The following ACTL9 variants were observed in gnomAD, a reference collection of about 807,000 sequenced individuals.
The protein encoded by ACTL9 is actin like 9.
A neutral mutation model predicts 0.9 loss-of-function variants in ACTL9; 1 was observed. That is an observed-to-expected ratio of 1.10 (90% confidence interval 0.39 to 5.23). The LOEUF (loss-of-function observed/expected upper bound fraction) is 5.23, where lower values mean the gene tolerates loss of function less well. Among genes scored for constraint, ACTL9 ranks in the 30% most tolerant of loss-of-function variants. The pLI is 0.16. For synonymous variants in ACTL9, 283 were observed against 269.5 expected (o/e 1.05, Z -0.49); for missense variants, 597 against 566.8 (o/e 1.05, Z -0.54).
In ACTL9 at chr19:8,698,254, C is replaced by T. The variant is rs1439203173; in HGVS notation, c.448G>A (p.Asp150Asn). The T allele has an allele frequency of 3.2e-6, 5 of 1,568,002 alleles. No individual in the cohort carries two copies. In the Admixed American group the frequency reaches 7.0e-5, roughly 22 times the overall value. The change falls in exon 1 of 1, where the codon GAC (aspartate) becomes AAC (asparagine). Residue 150 changes from aspartate to asparagine, a missense_variant. Coordinates refer to ENST00000324436, the MANE Select transcript of ACTL9 (RefSeq NM_178525.5). The part of the protein sequence containing the change: ...ATHDHPLLFS[D>N]PPFSPATNRE... ...TTGGTGGCCGGGCTGAAGGGTGGGT[C>T]GGAGAACAGCAGCGGGTGGTCGTGG...
rs1026322270 is a variant in ACTL9, at chr19:8,697,418, A to G, written c.*33T>C. ...CAGAGCCGGCTGTAGCAGAGGCTTT[A>G]CTGCCCCCACGCCCTCCCCAGCTCT... On this transcript the variant is annotated 3_prime_UTR_variant, in exon 1 of 1. Coordinates refer to ENST00000324436, the MANE Select transcript of ACTL9 (RefSeq NM_178525.5). This position sits in a 1 kb window ranked among gnomAD's most constrained non-coding sequence, Gnocchi z 4.3. 9 of 1,535,390 alleles carry G rather than the reference A, an allele frequency of 5.9e-6. No homozygotes were observed. The highest frequency in any genetic ancestry group is 8.7e-7 in the Non-Finnish European group (1 of 1,143,152).
Position 8,697,841 on chromosome 19 carries a change from CG to C in ACTL9, c.860del (p.Thr287ArgfsTer?), listed in dbSNP as rs1434583330. 2 of 1,613,112 alleles carry C rather than the reference CG, an allele frequency of 1.2e-6. No individual in the cohort carries two copies. The highest frequency in any genetic ancestry group is 1.7e-6 in the Non-Finnish European group (2 of 1,179,920). ...KRTLKLPDGR[T>X]VTLGKELFQC... ...GGAACAGCTCCTTGCCCAGGGTGAC[CG>C]TGCGCCCATCGGGCAGCTTCAGAGT... On this transcript the variant is annotated frameshift_variant, in exon 1 of 1. Coordinates refer to ENST00000324436, the MANE Select transcript of ACTL9 (RefSeq NM_178525.5). LOFTEE classifies it low-confidence loss of function (END_TRUNC). The surrounding 1 kb of genome is among the most constrained non-coding windows in gnomAD (Gnocchi z 4.3).
At position 8,698,427 on chromosome 19, in the gene ACTL9, G is replaced by A. The variant is rs782673863; in HGVS notation, c.275C>T (p.Ser92Phe). Residue 92 changes from serine to phenylalanine, a missense_variant, in exon 1 of 1, where the codon TCC becomes TTC. Transcript: ENST00000324436. ...CTCGCCGATGAACGTCTGCAGCCCG[G>A]ACTGCCCCGAGGTGGCGGGTTTCTT... ...QPKKPATSGQ[S>F]GLQTFIGEAA... 2 of 1,523,256 alleles carry A rather than the reference G, an allele frequency of 1.3e-6. No homozygotes were observed. Among genetic ancestry groups the A allele is most frequent in the Non-Finnish European group, 1.8e-6 (2 of 1,134,408 alleles). The allele number at this position is 1,523,256 out of a possible 1,614,324, so 94.4% of individuals were successfully genotyped here.
At position 8,698,095 on chromosome 19, in the gene ACTL9, T is replaced by G. The variant is rs2043209104; in HGVS notation, c.607A>C (p.Thr203Pro). 1 of 1,602,772 alleles carries G rather than the reference T, an allele frequency of 6.2e-7. No homozygotes were observed. Among genetic ancestry groups the G allele is most frequent in the South Asian group, 1.1e-5 (1 of 91,094 alleles). The part of the protein sequence containing the change: ...GLVVDTGHGV[T>P]YTVPVFQGYN... ...CCCTGGAAGACGGGCACTGTGTAGG[T>G]GACCCCGTGTCCCGTGTCCACCACC... Residue 203 changes from threonine to proline, a missense_variant, in exon 1 of 1, where the codon ACC becomes CCC. By Grantham distance (38) the Thr-to-Pro change is conservative (BLOSUM62 -1). Transcript: ENST00000324436.
In ACTL9 at chr19:8,697,611, G is replaced by T. The variant is rs782637571; in HGVS notation, c.1091C>A (p.Ala364Asp). 3.7e-6 allele frequency: 6 copies of T among 1,612,872 alleles called. No homozygotes were observed. The highest frequency in any genetic ancestry group is 5.1e-6 in the Non-Finnish European group (6 of 1,179,850). ...FRAELLRALP[A>D]ETHVVVAAQP... The stretch of plus-strand genomic sequence containing the variant: ...GGCAGCCACCACCACGTGGGTCTCG[G>T]CTGGCAGAGCGCGCAGCAGCTCTGC... The change falls in exon 1 of 1, where the codon GCC becomes GAC. Residue 364 changes from alanine (A) to aspartate (D), a missense_variant. Transcript: ENST00000324436. The surrounding 1 kb of genome is among the most constrained non-coding windows in gnomAD (Gnocchi z 4.3).
chr19:8,698,195 C>T lies in ACTL9; in HGVS notation c.507G>A (p.Ser169=). The T allele has an allele frequency of 6.2e-7, 1 of 1,606,404 alleles. No homozygotes were observed. The highest frequency in any genetic ancestry group is 8.5e-7 in the Non-Finnish European group (1 of 1,177,676). The change falls in exon 1 of 1, where the codon TCG becomes TCA. Residue 169 remains serine, a synonymous_variant. Transcript: ENST00000324436. ...CCACGTACATGGCTGGGGAGCGCAG[C>T]GACTCGAAGGCCACCTCCACTAGCT... ...REKLVEVAFE[S]LRSPAMYVAS... is the part of the protein sequence containing the mutation.
In ACTL9 at chr19:8,697,501, C is replaced by G; in HGVS notation, c.1201G>C (p.Glu401Gln). Residue 401 changes from glutamate to glutamine, a missense_variant, in exon 1 of 1, where the codon GAG becomes CAG. Coordinates refer to ENST00000324436, the MANE Select transcript of ACTL9 (RefSeq NM_178525.5). This position sits in a 1 kb window ranked among gnomAD's most constrained non-coding sequence, Gnocchi z 4.3. ...RAFQSCWVLREQYEEQGPYIV... is the reference protein window; with the variant it reads ...RAFQSCWVLRQQYEEQGPYIV... ...TAGGGACCCTGTTCCTCGTACTGCT[C>G]CCGCAGGACCCAGCAGGACTGGAAG... 4 of 1,612,414 alleles carry G rather than the reference C, an allele frequency of 2.5e-6. No individual in the cohort carries two copies. The highest frequency in any genetic ancestry group is 3.4e-6 in the Non-Finnish European group (4 of 1,179,422).
In ACTL9 at chr19:8,698,378, C is replaced by T. The variant is rs782699128; in HGVS notation, c.324G>A (p.Leu108=). Residue 108 remains leucine (L), a synonymous_variant, in exon 1 of 1, where the codon CTG becomes CTA. Transcript: ENST00000324436. ...CGCTGCGCAGGGGTTGCACCAGCGT[C>T]AGCTCTGGGAGCACGCGGGCTGCCT... ...IGEAARVLPE[L]TLVQPLRSGI... 1 of 1,515,728 alleles carries T rather than the reference C, an allele frequency of 6.6e-7. No individual in the cohort carries two copies. The highest frequency in any genetic ancestry group is 1.4e-5 in the African/African-American group (1 of 71,890). The allele number at this position is 1,515,728 out of a possible 1,614,324, so 93.9% of individuals were successfully genotyped here.
rs782176433 is a variant in ACTL9, at chr19:8,697,430, C to T, written c.*21G>A. On this transcript the variant is annotated 3_prime_UTR_variant, in exon 1 of 1. Coordinates refer to ENST00000324436, the MANE Select transcript of ACTL9 (RefSeq NM_178525.5). The surrounding 1 kb of genome is among the most constrained non-coding windows in gnomAD (Gnocchi z 4.3). ...TAGCAGAGGCTTTACTGCCCCCACG[C>T]CCTCCCCAGCTCTGCCCTGGTCAGT... is the stretch of plus-strand genomic sequence containing the variant. 6.5e-7 allele frequency: 1 copy of T among 1,546,826 alleles called. No homozygotes were observed. Among genetic ancestry groups the T allele is most frequent in the Non-Finnish European group, 8.7e-7 (1 of 1,148,036 alleles).
In ACTL9 at chr19:8,698,439, G is replaced by A. The variant is rs1345720570; in HGVS notation, c.263C>T (p.Thr88Ile). ...CGTCTGCAGCCCGGACTGCCCCGAG[G>A]TGGCGGGTTTCTTGGGCTGGCAGCC... is the stretch of plus-strand genomic sequence containing the variant. Reference protein sequence around the residue: ...ILGCQPKKPATSGQSGLQTFI... With the variant: ...ILGCQPKKPAISGQSGLQTFI... The change falls in exon 1 of 1, where the codon ACC becomes ATC. Residue 88 changes from threonine to isoleucine, a missense_variant. Physicochemically the swap from Thr to Ile is moderately conservative, Grantham distance 89. Coordinates refer to ENST00000324436, the MANE Select transcript of ACTL9 (RefSeq NM_178525.5). 2 of 1,527,080 alleles carry A rather than the reference G, an allele frequency of 1.3e-6. No homozygotes were observed. Among genetic ancestry groups the A allele is most frequent in the Non-Finnish European group, 1.8e-6 (2 of 1,135,572 alleles). 94.6% of individuals were successfully genotyped at this position (1,527,080 alleles called of 1,614,324 possible).
chr19:8,698,793 G>C lies in ACTL9; in HGVS notation c.-92C>G. ...GCCCGGCCAGTGGGGAGGGCAGGCAGACAGGGGGAGGGGTGGGCCCGCAAT... is the reference window on the plus strand; with the variant it reads ...GCCCGGCCAGTGGGGAGGGCAGGCACACAGGGGGAGGGGTGGGCCCGCAAT... On this transcript the variant is annotated 5_prime_UTR_variant, in exon 1 of 1. Transcript: ENST00000324436. 3 of 1,188,954 alleles carry C rather than the reference G, an allele frequency of 2.5e-6. No individual in the cohort carries two copies. Among genetic ancestry groups the C allele is most frequent in the African/African-American group, 1.6e-5 (1 of 63,920 alleles). The allele number at this position is 1,188,954 out of a possible 1,614,324, so 73.7% of individuals were successfully genotyped here.
rs1555753311 is a variant in ACTL9, at chr19:8,697,739, C to T, written c.963G>A (p.Gln321=). 6.2e-7 allele frequency: 1 copy of T among 1,613,154 alleles called. No homozygotes were observed. Among genetic ancestry groups the T allele is most frequent in the East Asian group, 2.2e-5 (1 of 44,880 alleles). Residue 321 remains glutamine, a synonymous_variant, in exon 1 of 1, where the codon CAG becomes CAA. Coordinates refer to ENST00000324436, the MANE Select transcript of ACTL9 (RefSeq NM_178525.5). The surrounding 1 kb of genome is among the most constrained non-coding windows in gnomAD (Gnocchi z 4.3). ...TCTCCAGTGACAACTTGCGGAGACT[C>T]TGCTTGGCCATGGTGGAGAGGCCGA... is the stretch of plus-strand genomic sequence containing the variant. ...SPVGLSTMAK[Q]SLRKLSLEMR... is the part of the protein sequence containing the mutation.
In ACTL9 at chr19:8,698,592, G is replaced by C; in HGVS notation, c.110C>G (p.Ser37Cys). The change falls in exon 1 of 1, where the codon TCC becomes TGC. Residue 37 changes from serine (S) to cysteine (C), a missense_variant. Physicochemically the swap from Ser to Cys is moderately radical, Grantham distance 112. Coordinates refer to ENST00000324436, the MANE Select transcript of ACTL9 (RefSeq NM_178525.5). ...NVVNKPLQRD[S>C]PGMVADRLPP... ...CAGCCTGTCGGCCACCATGCCGGGG[G>C]AGTCCCGCTGCAGGGGCTTGTTCAC... is the stretch of plus-strand genomic sequence containing the variant. 6.2e-7 allele frequency: 1 copy of C among 1,611,816 alleles called. No individual in the cohort carries two copies. Among genetic ancestry groups the C allele is most frequent in the Non-Finnish European group, 8.5e-7 (1 of 1,178,470 alleles).
Position 8,698,719 on chromosome 19 carries a change from T to C in ACTL9, c.-18A>G. ...GCATCCATGGTTGCGGGACGCCAGG[T>C]GAGGGGGCTTTTCCTCTGGGGTTGG... is the stretch of plus-strand genomic sequence containing the variant. On this transcript the variant is annotated 5_prime_UTR_variant, in exon 1 of 1. Coordinates refer to ENST00000324436, the MANE Select transcript of ACTL9 (RefSeq NM_178525.5). The C allele has an allele frequency of 7.1e-7, 1 of 1,414,136 alleles. No homozygotes were observed. Among genetic ancestry groups the C allele is most frequent in the Non-Finnish European group, 9.3e-7 (1 of 1,075,144 alleles). The allele number at this position is 1,414,136 out of a possible 1,614,324, so 87.6% of individuals were successfully genotyped here. A position where few individuals can be genotyped will look rare whatever the true frequency, so the allele number is the denominator to read the frequency against.
In ACTL9 at chr19:8,697,824, T is replaced by A. The variant is rs1555753326; in HGVS notation, c.878A>T (p.Glu293Val). The A allele has an allele frequency of 1.9e-6, 3 of 1,613,072 alleles. No individual in the cohort carries two copies. The Admixed American group carries it at 5.0e-5, about 27-fold the overall frequency. The change falls in exon 1 of 1, where the codon GAG becomes GTG. Residue 293 changes from glutamate (E) to valine (V), a missense_variant. By Grantham distance (121) the Glu-to-Val change is moderately radical (BLOSUM62 -2). Coordinates refer to ENST00000324436, the MANE Select transcript of ACTL9 (RefSeq NM_178525.5). This position sits in a 1 kb window ranked among gnomAD's most constrained non-coding sequence, Gnocchi z 4.3. ...CAGCAGCTCCGGACACTGGAACAGC[T>A]CCTTGCCCAGGGTGACCGTGCGCCC... is the stretch of plus-strand genomic sequence containing the variant. ...PDGRTVTLGK[E>V]LFQCPELLFN...
Position 8,698,425 on chromosome 19 carries a change from C to G in ACTL9, c.277G>C (p.Gly93Arg), listed in dbSNP as rs543534391. The G allele has an allele frequency of 3.9e-6, 6 of 1,521,452 alleles. No homozygotes were observed. The African/African-American group carries it at 8.3e-5, about 21-fold the overall frequency. 94.2% of individuals were successfully genotyped at this position (1,521,452 alleles called of 1,614,324 possible). ...GCCTCGCCGATGAACGTCTGCAGCC[C>G]GGACTGCCCCGAGGTGGCGGGTTTC... ...PKKPATSGQS[G>R]LQTFIGEAAR... Residue 93 changes from glycine to arginine, a missense_variant, in exon 1 of 1, where the codon GGG (glycine) becomes CGG (arginine). By Grantham distance (125) the Gly-to-Arg change is moderately radical. Coordinates refer to ENST00000324436, the MANE Select transcript of ACTL9 (RefSeq NM_178525.5).
In ACTL9 at chr19:8,697,727, C is replaced by T. The variant is rs376917106; in HGVS notation, c.975G>A (p.Lys325=). The change falls in exon 1 of 1, where the codon AAG becomes AAA. Residue 325 remains lysine, a synonymous_variant. Transcript: ENST00000324436. This position sits in a 1 kb window ranked among gnomAD's most constrained non-coding sequence, Gnocchi z 4.3. ...LSTMAKQSLR[K]LSLEMRADLA... is the part of the protein sequence containing the mutation. Reference sequence around the variant, plus strand: ...AGTCCGCGCGCATCTCCAGTGACAACTTGCGGAGACTCTGCTTGGCCATGG... The same window carrying T: ...AGTCCGCGCGCATCTCCAGTGACAATTTGCGGAGACTCTGCTTGGCCATGG... 4.4e-5 allele frequency: 71 copies of T among 1,613,034 alleles called. No homozygotes were observed. The highest frequency in any genetic ancestry group is 5.7e-5 in the Non-Finnish European group (67 of 1,180,002).
chr19:8,697,975 G>C lies in ACTL9; in HGVS notation c.727C>G (p.Leu243Val), dbSNP rs1555753364. Residue 243 changes from leucine to valine, a missense_variant, in exon 1 of 1, where the codon CTG becomes GTG. Coordinates refer to ENST00000324436, the MANE Select transcript of ACTL9 (RefSeq NM_178525.5). This position sits in a 1 kb window ranked among gnomAD's most constrained non-coding sequence, Gnocchi z 4.3. ...AEMLLQAGLP[L>V]GQQDLDLVEN... Reference sequence around the variant, plus strand: ...ACTAGGTCCAGGTCCTGCTGTCCCAGGGGCAGGCCGGCCTGGAGCAGCATC... The same window carrying C: ...ACTAGGTCCAGGTCCTGCTGTCCCACGGGCAGGCCGGCCTGGAGCAGCATC... The C allele has an allele frequency of 1.2e-6, 2 of 1,609,532 alleles. No homozygotes were observed. Among genetic ancestry groups the C allele is most frequent in the African/African-American group, 2.7e-5 (2 of 75,054 alleles).
chr19:8,698,087 T>C lies in ACTL9; in HGVS notation c.615A>G (p.Thr205=), dbSNP rs142738876. ...GGTTGTAGCCCTGGAAGACGGGCACTGTGTAGGTGACCCCGTGTCCCGTGT... is the reference window on the plus strand; with the variant it reads ...GGTTGTAGCCCTGGAAGACGGGCACCGTGTAGGTGACCCCGTGTCCCGTGT... ...VVDTGHGVTY[T]VPVFQGYNLL... is the part of the protein sequence containing the mutation. Residue 205 remains threonine, a synonymous_variant, in exon 1 of 1, where the codon ACA becomes ACG. Coordinates refer to ENST00000324436, the MANE Select transcript of ACTL9 (RefSeq NM_178525.5). 2 of 1,602,472 alleles carry C rather than the reference T, an allele frequency of 1.2e-6. No homozygotes were observed. Among genetic ancestry groups the C allele is most frequent in the Non-Finnish European group, 1.7e-6 (2 of 1,179,928 alleles).
Sources: allele counts gnomAD v4.1 joint callset, GRCh38; gene constraint gnomAD v4.1.1; non-coding constraint Gnocchi (gnomAD v3.1); transcripts MANE v1.5; gene names NCBI Gene and HGNC (gene_info 2026-07-23, HGNC 2026-07-21).